Variants in DBX2 observed in about 807,000 individuals in gnomAD.
The protein encoded by DBX2 is developing brain homeobox 2.
DBX2 carries 16 observed loss-of-function variants against 17.7 expected under a neutral mutation model. The ratio of observed to expected loss-of-function variants is 0.90; its 90% confidence interval spans 0.61 to 1.37. The LOEUF (loss-of-function observed/expected upper bound fraction) is 1.37, where lower values mean the gene tolerates loss of function less well. DBX2 is among the 40% of genes most tolerant of loss of function. The pLI is 0.00. For synonymous variants in DBX2, 255 were observed against 183.8 expected (o/e 1.39, Z -3.13); for missense variants, 538 against 433.8 (o/e 1.24, Z -2.13).
chr12:45,046,218 T>A (rs1946499258), intron 1 of DBX2, among the ~76,000 whole-genome samples: 1 of 152,188 alleles, frequency 6.6e-6, no homozygotes, highest in African/African-American at 2.4e-5. Flanking sequence ...AGCTGATTAC[T>A]CATGAACTAG....
chr12:45,036,155 T>G (rs1946440055), intron 1 of DBX2, 41 bp from the exon 2 acceptor site: 1 of 1,517,110 alleles, frequency 6.6e-7, no homozygotes, highest in Non-Finnish European at 8.9e-7. Context: ...GCCATTTCTT[T>G]AAGACAATAT....
At chr12:45,020,762 A>C (rs1946347762) in intron 3 of DBX2, among the ~76,000 whole-genome samples, 2 of 151,768 alleles carry the variant, frequency 1.3e-5, no homozygotes, top group Admixed American at 6.6e-5. Context: ...TACTTCATAA[A>C]AATTTTGTAA....
At position 45,014,936 on chromosome 12, in the gene DBX2, A is replaced by C. The variant is rs976445733; in HGVS notation, c.*1350T>G. The C allele has an allele frequency of 5.9e-5, 9 of 152,198 alleles. No homozygotes were observed. The highest frequency in any genetic ancestry group is 1.3e-4 in the Non-Finnish European group (9 of 68,022). 9.4% of individuals were successfully genotyped at this position (152,198 alleles called of 1,614,324 possible). ...TTCTCAGACTCTAGTGGAGTTCAGC[A>C]AATTAGAAGCCACCATCATTATGCA... On this transcript the variant is annotated 3_prime_UTR_variant, in exon 4 of 4. Transcript: ENST00000332700.
In DBX2 at chr12:45,016,017, A is replaced by G. The variant is rs892736593; in HGVS notation, c.*269T>C. On this transcript the variant is annotated 3_prime_UTR_variant, in exon 4 of 4. Transcript: ENST00000332700. ...CACATAGAGACAAACACATATATAC[A>G]CATACTCAGAGCAGGGACCGAGCCA... is the stretch of plus-strand genomic sequence containing the variant. 3.1e-6 allele frequency: 1 copy of G among 322,742 alleles called. No homozygotes were observed. Among genetic ancestry groups the G allele is most frequent in the African/African-American group, 2.1e-5 (1 of 47,292 alleles). The allele number at this position is 322,742 out of a possible 1,614,324, so 20.0% of individuals were successfully genotyped here.
chr12:45,046,940 C>T (rs547754954), intron 1 of DBX2, among the ~76,000 whole-genome samples: 111 of 152,264 alleles, frequency 7.3e-4, no homozygotes, highest in African/African-American at 2.6e-3. Flanking sequence ...GCTTTCCAAT[C>T]CTTTCATATG....
intron 1 of DBX2, among the ~76,000 whole-genome samples, chr12:45,040,621 G>A (rs372269437): frequency 2.0e-5 from 3 of 152,042 alleles, no homozygotes; most frequent in Non-Finnish European, 4.4e-5. Flanking sequence ...CTTTTATCTT[G>A]CATGTTTATT....
At chr12:45,025,494 G>A (rs1294794325) in intron 2 of DBX2, among the ~76,000 whole-genome samples, 2 of 151,944 alleles carry the variant, frequency 1.3e-5, no homozygotes, top group Admixed American at 6.5e-5. Context: ...ATGGTAATTT[G>A]TTACAGCAAC....
chr12:45,049,608 T>C (rs1442216675), intron 1 of DBX2, among the ~76,000 whole-genome samples: 2 of 151,466 alleles, frequency 1.3e-5, no homozygotes, highest in Admixed American at 6.6e-5. Context: ...TTAGTCATTC[T>C]GGACAAACCC....
intron 3 of DBX2, among the ~76,000 whole-genome samples, chr12:45,022,119 A>C (rs1343076596): frequency 6.6e-6 from 1 of 152,070 alleles, no homozygotes; most frequent in Non-Finnish European, 1.5e-5. Flanking sequence ...GGCACAGAAC[A>C]ACCAATTGAG....
intron 2 of DBX2, among the ~76,000 whole-genome samples, chr12:45,031,041 C>T (rs941381197): frequency 1.3e-5 from 2 of 152,142 alleles, no homozygotes; most frequent in Admixed American, 6.5e-5. Flanking sequence ...GTCTCTCCCT[C>T]CTGGAGTCAA....
At chr12:45,023,384 T>C (rs1227857523) in intron 3 of DBX2, among the ~76,000 whole-genome samples, 3 of 152,198 alleles carry the variant, frequency 2.0e-5, no homozygotes. Context: ...ATAATGTAAT[T>C]ACCACATCCT....
intron 3 of DBX2, among the ~76,000 whole-genome samples, chr12:45,023,179 C>G (rs1276907125): frequency 6.6e-6 from 1 of 152,140 alleles, no homozygotes; most frequent in Non-Finnish European, 1.5e-5. Context: ...GTAAGTGTTG[C>G]AAATGTGAAA....
At chr12:45,031,391 C>A (rs1045646724) in intron 2 of DBX2, among the ~76,000 whole-genome samples, 1 of 151,986 alleles carries the variant, frequency 6.6e-6, no homozygotes, top group African/African-American at 2.4e-5. Context: ...TAATACTTAT[C>A]GAACAGCTTG....
intron 3 of DBX2, among the ~76,000 whole-genome samples, chr12:45,020,659 G>A (rs982898222): frequency 6.1e-5 from 7 of 115,550 alleles, no homozygotes; most frequent in African/African-American, 2.1e-4. Flanking sequence ...TTTTATGTAT[G>A]TATATGTATA....
chr12:45,023,170 T>C lies in DBX2; in HGVS notation c.687+537A>G, dbSNP rs183273468. Among the ~76,000 whole-genome samples the C allele has an allele frequency of 4.8e-3, 734 of 152,342 alleles. 2 individuals are homozygous for C. Among genetic ancestry groups the C allele is most frequent in the Non-Finnish European group, 8.5e-3 (575 of 68,030 alleles). ...AACCTCAATGAACAAGAAAGGTATG[T>C]AAGTGTTGCAAATGTGAAATTGCTT... On this transcript the variant is annotated intron_variant, in intron 3 of 3. Coordinates refer to ENST00000332700, the MANE Select transcript of DBX2 (RefSeq NM_001004329.3).
At chr12:45,047,103 C>A (rs1946504479) in intron 1 of DBX2, among the ~76,000 whole-genome samples, 1 of 152,132 alleles carries the variant, frequency 6.6e-6, no homozygotes, top group Non-Finnish European at 1.5e-5. Context: ...GATGGCATAA[C>A]CACCAATTGG....
At chr12:45,047,977 G>T (rs1245133217) in intron 1 of DBX2, among the ~76,000 whole-genome samples, 1 of 152,124 alleles carries the variant, frequency 6.6e-6, no homozygotes, top group African/African-American at 2.4e-5. Flanking sequence ...TACAGAACAT[G>T]GAATGTAAGC....
At chr12:45,031,010 C>A (rs932717098) in intron 2 of DBX2, among the ~76,000 whole-genome samples, 1 of 152,130 alleles carries the variant, frequency 6.6e-6, no homozygotes, top group East Asian at 1.9e-4. Flanking sequence ...AAAAGTAGCT[C>A]ATTTCAAACC....
chr12:45,050,868 G>C lies in DBX2; in HGVS notation c.60C>G (p.Ser20=). The part of the protein sequence containing the change: ...AGAYWDVVAS[S]ALLNLPAAPG... ...GCGCAGCGGGGAGGTTGAGGAGCGC[G>C]GAGGAAGCCACAACGTCCCAGTACG... The change falls in exon 1 of 4, where the codon TCC becomes TCG. Residue 20 remains serine (S), a synonymous_variant. Transcript: ENST00000332700. 6.5e-7 allele frequency: 1 copy of C among 1,534,182 alleles called. No individual in the cohort carries two copies. The highest frequency in any genetic ancestry group is 8.7e-7 in the Non-Finnish European group (1 of 1,143,654).
Sources: allele counts gnomAD v4.1 joint callset (sites outside exome capture counted in the v4.1 genomes callset), GRCh38; gene constraint gnomAD v4.1.1; transcripts MANE v1.5; gene names NCBI Gene and HGNC (gene_info 2026-07-23, HGNC 2026-07-21).